Variants in RANBP9 observed in about 807,000 individuals in gnomAD.
The protein encoded by RANBP9 is ran-binding protein 9.
RANBP9 carries 15 observed loss-of-function variants against 84.3 expected under a neutral mutation model. The ratio of observed to expected loss-of-function variants is 0.18; its 90% CI spans 0.12 to 0.27. The LOEUF is 0.27. Among genes scored for constraint, RANBP9 ranks in the 10% least tolerant of loss-of-function variants. RANBP9 has a pLI of 1.00. For missense variants in RANBP9, 809 were observed against 912.8 expected, an observed-to-expected ratio of 0.89 and a Z score of 1.46; for synonymous variants, 392 against 349.6, an observed-to-expected ratio of 1.12 and a Z score of -1.35.
chr6:13,707,575 A>C (rs1170589217), intron 1 of RANBP9, among the ~76,000 whole-genome samples: 1 of 152,216 alleles, frequency 6.6e-6, no homozygotes, highest in Non-Finnish European at 1.5e-5. Context: ...GGGATTGTGA[A>C]AAGAACACTA....
chr6:13,696,920 AAG>A, intron 1 of RANBP9, 24 bp from the exon 2 acceptor site: 1 of 1,558,986 alleles, frequency 6.4e-7, no homozygotes, highest in South Asian at 1.1e-5. Context: ...GGAAGGAAAA[AAG>A]AAGTCACATG....
chr6:13,709,574 CTT>C (rs1247438571), intron 1 of RANBP9, among the ~76,000 whole-genome samples: 1 of 152,146 alleles, frequency 6.6e-6, no homozygotes, highest in Non-Finnish European at 1.5e-5. Context: ...AAGGTCCTAA[CTT>C]GAGAAAAAAC....
intron 11 of RANBP9, among the ~76,000 whole-genome samples, chr6:13,633,366 A>C (rs766820209): frequency 6.6e-6 from 1 of 152,248 alleles, no homozygotes; most frequent in Non-Finnish European, 1.5e-5. Flanking sequence ...TGATTGATAA[A>C]ATAATTTAAC....
In RANBP9 at chr6:13,622,156, A is replaced by G. The variant is rs1764467916; in HGVS notation, c.*206T>C. ...AGTAATATTTAACTCTTAGACAACT[A>G]AGAGGTTAAAGATGGAAAATAATTT... On this transcript the variant is annotated 3_prime_UTR_variant, in exon 14 of 14. Transcript: ENST00000011619. 1 of 389,174 alleles carries G rather than the reference A, an allele frequency of 2.6e-6. No homozygotes were observed. The highest frequency in any genetic ancestry group is 4.6e-5 in the Admixed American group (1 of 21,570). The allele number at this position is 389,174 out of a possible 1,614,324, so 24.1% of individuals were successfully genotyped here.
chr6:13,689,065 G>C (rs1766264732), intron 2 of RANBP9, among the ~76,000 whole-genome samples: 1 of 150,812 alleles, frequency 6.6e-6, no homozygotes, highest in Admixed American at 6.6e-5. Context: ...GCTGAAGCAG[G>C]AGGATCACTT....
chr6:13,656,087 C>CA (rs1765391918), intron 4 of RANBP9, among the ~76,000 whole-genome samples: 1 of 152,100 alleles, frequency 6.6e-6, no homozygotes, highest in Admixed American at 6.5e-5. Flanking sequence ...TTTATTGAAA[C>CA]ACTCTTAAAA....
chr6:13,711,056 C>T lies in RANBP9; in HGVS notation c.450G>A (p.Arg150=). 1 of 1,586,290 alleles carries T rather than the reference C, an allele frequency of 6.3e-7. No homozygotes were observed. Among genetic ancestry groups the T allele is most frequent in the Non-Finnish European group, 8.6e-7 (1 of 1,166,858 alleles). ...CCACGGCCGGGTAGAGACGCTTCAG[C>T]CGCCGCTGCAACTCCTTCTCCTGCT... ...LNEQEKELQR[R]LKRLYPAVDE... The change falls in exon 1 of 14, where the codon CGG becomes CGA. Residue 150 remains arginine, a synonymous_variant. Transcript: ENST00000011619.
chr6:13,663,187 A>G (rs1285852592), intron 2 of RANBP9, among the ~76,000 whole-genome samples: 2 of 152,110 alleles, frequency 1.3e-5, no homozygotes, highest in Admixed American at 6.5e-5. Flanking sequence ...GAAAAACGAC[A>G]TATTACTTTC....
At chr6:13,710,865 G>A (rs562435001) in intron 1 of RANBP9, 70 bp downstream of exon 1, 1,609 of 1,480,236 alleles carry the variant, frequency 1.1e-3, no homozygotes, top group Middle Eastern at 2.6e-3. Flanking sequence ...GGCGGGTCGA[G>A]AGCGGCGCAG....
At chr6:13,650,158 G>GTTTTTTTGTTTTTTTT (rs1765264200) in intron 5 of RANBP9, among the ~76,000 whole-genome samples, 1 of 143,798 alleles carries the variant, frequency 7.0e-6, no homozygotes, top group African/African-American at 2.6e-5. Flanking sequence ...TTGTTGTTGT[G>GTTTTTTTGTTTTTTTT]TTTTTTTGTT....
In RANBP9 at chr6:13,637,932, C is replaced by A; in HGVS notation, c.1549G>T (p.Val517Leu). 6.2e-7 allele frequency: 1 copy of A among 1,602,722 alleles called. No individual in the cohort carries two copies. The highest frequency in any genetic ancestry group is 8.5e-7 in the Non-Finnish European group (1 of 1,175,978). The change falls in exon 10 of 14, where the codon GTA (valine) becomes TTA (leucine). Residue 517 changes from valine (V) to leucine (L), a missense_variant. Transcript: ENST00000011619. ...FSGFESCSNG[V>L]ISNKAHQSYC... ...GATTGATGTGCTTTATTTGATATTA[C>A]ACCATTACTACAACTTTCAAAACCT... is the stretch of plus-strand genomic sequence containing the variant.
intron 2 of RANBP9, among the ~76,000 whole-genome samples, chr6:13,678,445 G>A (rs939160227): frequency 6.6e-6 from 1 of 152,182 alleles, no homozygotes; most frequent in Admixed American, 6.5e-5. Context: ...AGAGATAAGA[G>A]GGCTCACAGG....
intron 2 of RANBP9, among the ~76,000 whole-genome samples, chr6:13,662,871 T>A (rs144466708): frequency 2.4e-3 from 369 of 151,800 alleles, no homozygotes; most frequent in African/African-American, 8.2e-3. Flanking sequence ...AGACTGAAGA[T>A]GGCAAAACAA....
At chr6:13,690,694 A>G (rs1766302408) in intron 2 of RANBP9, among the ~76,000 whole-genome samples, 1 of 152,206 alleles carries the variant, frequency 6.6e-6, no homozygotes, top group South Asian at 2.1e-4. Context: ...TCTCTCTCAC[A>G]TTTAGAATTA....
intron 5 of RANBP9, among the ~76,000 whole-genome samples, chr6:13,648,510 A>C (rs1306884361): frequency 2.6e-5 from 4 of 152,178 alleles, no homozygotes; most frequent in Non-Finnish European, 2.9e-5. Context: ...GTAGATTTAT[A>C]TGTAATAATG....
rs1268540241 is a variant in RANBP9, at chr6:13,632,527, A to G, written c.1796-6T>C. The G allele has an allele frequency of 1.2e-6, 2 of 1,609,252 alleles. No homozygotes were observed. The highest frequency in any genetic ancestry group is 1.7e-6 in the Non-Finnish European group (2 of 1,175,794). On this transcript the variant is annotated splice_region_variant and splice_polypyrimidine_tract_variant and intron_variant, in intron 11 of 13. Coordinates refer to ENST00000011619, the MANE Select transcript of RANBP9 (RefSeq NM_005493.3). ...CAACTGACTTGAATCAACTTCTGTA[A>G]GAAAAACAGACAAGTATTTTACTAC...
intron 4 of RANBP9, among the ~76,000 whole-genome samples, chr6:13,656,445 T>C (rs1368044248): frequency 1.3e-5 from 2 of 152,150 alleles, no homozygotes; most frequent in Non-Finnish European, 2.9e-5. Flanking sequence ...TGACCACATA[T>C]AACTTTAAAT....
Position 13,622,116 on chromosome 6 carries a change from G to T in RANBP9, c.*246C>A. ...TTAAAGGATTTGTGATGATCAATTT[G>T]AACGTCTGAAATTCAGTAATATTTA... is the stretch of plus-strand genomic sequence containing the variant. On this transcript the variant is annotated 3_prime_UTR_variant, in exon 14 of 14. Coordinates refer to ENST00000011619, the MANE Select transcript of RANBP9 (RefSeq NM_005493.3). 3 of 264,690 alleles carry T rather than the reference G, an allele frequency of 1.1e-5. No homozygotes were observed. The highest frequency in any genetic ancestry group is 2.2e-5 in the African/African-American group (1 of 44,892). The allele number at this position is 264,690 out of a possible 1,614,324, so 16.4% of individuals were successfully genotyped here. A position where few individuals can be genotyped will look rare whatever the true frequency, so the allele number is the denominator to read the frequency against.
At chr6:13,676,892 C>T (rs1386236678) in intron 2 of RANBP9, among the ~76,000 whole-genome samples, 1 of 152,070 alleles carries the variant, frequency 6.6e-6, no homozygotes, top group Non-Finnish European at 1.5e-5. Context: ...CTACAAAAAA[C>T]CTACAATTAG....
Sources: gnomAD v4.1 joint callset for allele counts (sites outside exome capture counted in the v4.1 genomes callset) on GRCh38, gnomAD v4.1.1 for gene constraint, MANE v1.5 for transcripts, NCBI Gene and HGNC (gene_info 2026-07-23, HGNC 2026-07-21) for gene names.